The following PROCR variants were observed in gnomAD, a reference collection of about 807,000 sequenced individuals.
PROCR encodes the protein endothelial protein C receptor.
In PROCR, 22 loss-of-function variants were observed where a neutral mutation model predicts 24.2. The observed-to-expected ratio is 0.91, with a 90% confidence interval of 0.65 to 1.30. The LOEUF is 1.30. PROCR is among the 50% of genes most tolerant of loss of function. The probability of loss-of-function intolerance (pLI) is 0.00; values close to 1 mark genes in which losing one functional copy is unlikely to be tolerated. For missense variants in PROCR, 288 were observed against 307.7 expected, an observed-to-expected ratio of 0.94 and a Z score of 0.48; for synonymous variants, 137 against 139.2, an observed-to-expected ratio of 0.98 and a Z score of 0.11.
chr20:35,192,517 A>G (rs2086182142), intron 1 of PROCR, among the ~76,000 whole-genome samples: 1 of 152,066 alleles, frequency 6.6e-6, no homozygotes, highest in South Asian at 2.1e-4. Context: ...GTTCCCATAC[A>G]TCTTTCTGCA....
intron 1 of PROCR, among the ~76,000 whole-genome samples, chr20:35,195,777 C>T (rs2146167607): frequency 7.3e-6 from 1 of 137,924 alleles, no homozygotes; most frequent in East Asian, 2.2e-4. Flanking sequence ...GCTGAGATTG[C>T]ACCATTGCAC....
Position 35,199,663 on chromosome 20 carries a change from G to A in PROCR, c.95-16230G>A, listed in dbSNP as rs918952603. 9.2e-5 allele frequency among the ~76,000 whole-genome samples: 14 copies of A among 151,470 alleles called. No individual in the cohort carries two copies. In the East Asian group the frequency reaches 1.5e-3, roughly 17 times the overall value. ...ACTTGGGAGGCTGAGCAGGAGAATC[G>A]CTTGAACCTGCGAGTCAGAGGTTGC... is the stretch of plus-strand genomic sequence containing the variant. On this transcript the variant is annotated intron_variant, in intron 1 of 1. Transcript: ENST00000634509.
At chr20:35,210,308 GC>G (rs2060357175) in intron 1 of PROCR, among the ~76,000 whole-genome samples, 1 of 152,166 alleles carries the variant, frequency 6.6e-6, no homozygotes, top group Non-Finnish European at 1.5e-5. Context: ...ACTTTGGGAG[GC>G]CAAGATGGGA....
In PROCR at chr20:35,174,839, C is replaced by T. The variant is rs762452390; in HGVS notation, c.208C>T (p.Leu70=). Residue 70 remains leucine, a synonymous_variant, in exon 2 of 4, where the codon CTG becomes TTG. Transcript: ENST00000216968. Reference sequence around the variant, plus strand: ...AGACACCAACACCACGATCATTCAGCTGCAGCCCTTGCAGGAGCCCGAGAG... The same window carrying T: ...AGACACCAACACCACGATCATTCAGTTGCAGCCCTTGCAGGAGCCCGAGAG... The part of the protein sequence containing the change: ...GPDTNTTIIQ[L]QPLQEPESWA... 5 of 1,614,074 alleles carry T rather than the reference C, an allele frequency of 3.1e-6. No homozygotes were observed. In the South Asian group the frequency reaches 5.5e-5, roughly 18 times the overall value.
At chr20:35,197,727 CAGG>C (rs2080852033) in intron 1 of PROCR, among the ~76,000 whole-genome samples, 1 of 150,866 alleles carries the variant, frequency 6.6e-6, no homozygotes, top group South Asian at 2.1e-4. Flanking sequence ...GAGGCTGAGG[CAGG>C]AGAATTGCTT....
chr20:35,199,591 A>G (rs1402524510), intron 1 of PROCR, among the ~76,000 whole-genome samples: 1 of 152,110 alleles, frequency 6.6e-6, no homozygotes, highest in Non-Finnish European at 1.5e-5. Flanking sequence ...TCTAATAAAA[A>G]TGCAGAAATT....
intron 1 of PROCR, among the ~76,000 whole-genome samples, chr20:35,198,717 C>CTT (rs756605474): frequency 1.4e-5 from 2 of 142,166 alleles, no homozygotes; most frequent in Non-Finnish European, 3.1e-5. Flanking sequence ...CCATCAAGGA[C>CTT]TTTTTTTTTT....
chr20:35,172,496 A>G (rs1175521285), intron 1 of PROCR, among the ~76,000 whole-genome samples: 1 of 152,118 alleles, frequency 6.6e-6, no homozygotes, highest in Non-Finnish European at 1.5e-5. Flanking sequence ...CAGAGAGGGT[A>G]GGAGAATCAG....
At chr20:35,211,859 TA>T (rs1391531968) in intron 1 of PROCR, among the ~76,000 whole-genome samples, 1 of 151,424 alleles carries the variant, frequency 6.6e-6, no homozygotes, top group South Asian at 2.1e-4. Context: ...ACTAAAAATA[TA>T]AAAAAATTAG....
chr20:35,177,092 G>A lies in PROCR; in HGVS notation c.*279G>A. ...TCTATCTTTGTGGAAAACAGATAAT[G>A]GAGTTGGGGCAGGAAGCCTATGGCC... is the stretch of plus-strand genomic sequence containing the variant. On this transcript the variant is annotated 3_prime_UTR_variant, in exon 4 of 4. Transcript: ENST00000216968. 1 of 1,229,926 alleles carries A rather than the reference G, an allele frequency of 8.1e-7. No homozygotes were observed. Among genetic ancestry groups the A allele is most frequent in the South Asian group, 1.6e-5 (1 of 63,426 alleles). The allele number at this position is 1,229,926 out of a possible 1,614,324, so 76.2% of individuals were successfully genotyped here. A position where few individuals can be genotyped will look rare whatever the true frequency, so the allele number is the denominator to read the frequency against.
rs1326124597 is a variant in PROCR at position 35,176,360 on chromosome 20, AC to A, written c.517del (p.Arg173AlafsTer55). 3.1e-6 allele frequency: 5 copies of A among 1,614,144 alleles called. No individual in the cohort carries two copies. Among genetic ancestry groups the A allele is most frequent in the Non-Finnish European group, 4.2e-6 (5 of 1,180,042 alleles). ...TFTLQQLNAY[N>X]RTRYELREFL... is the part of the protein sequence containing the mutation. ...ACCCTGCAGCAGCTCAATGCCTACA[AC>A]CGCACTCGGTATGAACTGCGGGAAT... On this transcript the variant is annotated frameshift_variant, in exon 3 of 4. Coordinates refer to ENST00000216968, the MANE Select transcript of PROCR (RefSeq NM_006404.5). LOFTEE classifies it high-confidence loss of function.
At chr20:35,211,692 G>A (rs948575727) in intron 1 of PROCR, among the ~76,000 whole-genome samples, 1 of 152,104 alleles carries the variant, frequency 6.6e-6, no homozygotes, top group Non-Finnish European at 1.5e-5. Context: ...AACTCTAGGA[G>A]AGAAACTTTT....
chr20:35,174,685 G>C lies in PROCR; in HGVS notation c.71-17G>C. On this transcript the variant is annotated splice_polypyrimidine_tract_variant and intron_variant, in intron 1 of 3. Coordinates refer to ENST00000216968, the MANE Select transcript of PROCR (RefSeq NM_006404.5). ...CCCTCCCACGCCGGCCCAGGCTGAA[G>C]CTGACTCTGCCCGCAGGCCTCCAAA... is the stretch of plus-strand genomic sequence containing the variant. 1 of 1,613,716 alleles carries C rather than the reference G, an allele frequency of 6.2e-7. No individual in the cohort carries two copies. The highest frequency in any genetic ancestry group is 8.5e-7 in the Non-Finnish European group (1 of 1,179,992).
chr20:35,174,252 C>T (rs2085982047), intron 1 of PROCR: 1 of 215,842 alleles, frequency 4.6e-6, no homozygotes, highest in Non-Finnish European at 9.6e-6. Flanking sequence ...AGGTGGAGGT[C>T]GGAATAGAGA....
intron 1 of PROCR, among the ~76,000 whole-genome samples, chr20:35,193,178 CTT>C (rs369192046): frequency 4.2e-5 from 6 of 142,272 alleles, no homozygotes; most frequent in Admixed American, 7.0e-5. Context: ...TTCTTTCTTT[CTT>C]TTTTTTTTTT....
At chr20:35,197,968 G>T (rs994939709) in intron 1 of PROCR, among the ~76,000 whole-genome samples, 1 of 151,866 alleles carries the variant, frequency 6.6e-6, no homozygotes. Flanking sequence ...TAGCCGAGTT[G>T]TAAATGCAAA....
intron 1 of PROCR, among the ~76,000 whole-genome samples, chr20:35,195,690 G>A (rs6060302): frequency 0.15 from 22,458 of 151,292 alleles, 1,760 homozygotes; most frequent in Middle Eastern, 0.23. Context: ...GTGTGGTGGT[G>A]CTTGCCTATA....
chr20:35,172,410 A>T (rs918325801), intron 1 of PROCR, among the ~76,000 whole-genome samples, 186 bp downstream of exon 1: 6 of 152,174 alleles, frequency 3.9e-5, no homozygotes, highest in Non-Finnish European at 8.8e-5. Context: ...GAGTTAGTAC[A>T]TTTAAGCCCC....
chr20:35,194,289 A>C (rs1489545209), intron 1 of PROCR, among the ~76,000 whole-genome samples: 1 of 152,236 alleles, frequency 6.6e-6, no homozygotes, highest in Non-Finnish European at 1.5e-5. Context: ...TATTAAAAAG[A>C]ATATTAATTA....
Sources: allele counts gnomAD v4.1 joint callset (sites outside exome capture counted in the v4.1 genomes callset), GRCh38; gene constraint gnomAD v4.1.1; transcripts MANE v1.5; gene names NCBI Gene and HGNC (gene_info 2026-07-23, HGNC 2026-07-21).